FBXL7: variants seen among roughly 807,000 people sequenced by gnomAD.
FBXL7 encodes the protein F-box and leucine rich repeat protein 7, also known as F-box/LRR-repeat protein 7.
A neutral mutation model predicts 38.3 loss-of-function variants in FBXL7; 12 were observed. The observed-to-expected ratio is 0.31, with a 90% CI of 0.20 to 0.51. The LOEUF is 0.51. FBXL7 is among the 20% of genes least tolerant of loss of function. FBXL7 has a pLI of 0.98. For missense variants in FBXL7, 567 were observed against 676.4 expected (o/e 0.84, Z 1.79); for synonymous variants, 297 against 300.9 (o/e 0.99, Z 0.13).
At chr5:15,599,884 A>G (rs1010437726) in intron 1 of FBXL7, among the ~76,000 whole-genome samples, 1 of 152,238 alleles carries the variant, frequency 6.6e-6, no homozygotes, top group Non-Finnish European at 1.5e-5. Flanking sequence ...CAGGGTGGCC[A>G]TTATGACAGG....
chr5:15,553,091 AAC>A (rs1554005310), intron 1 of FBXL7, among the ~76,000 whole-genome samples: 84 of 111,796 alleles, frequency 7.5e-4, no homozygotes, highest in East Asian at 1.8e-3. Context: ...AAAAAAAAAA[AAC>A]AAAAAAAAAC....
At chr5:15,632,303 A>G in intron 2 of FBXL7, among the ~76,000 whole-genome samples, 1 of 152,164 alleles carries the variant, frequency 6.6e-6, no homozygotes, top group South Asian at 2.1e-4. Flanking sequence ...TTTTTTATTT[A>G]TGAATATATT....
chr5:15,721,438 G>A (rs543120330), intron 2 of FBXL7, among the ~76,000 whole-genome samples: 1 of 152,026 alleles, frequency 6.6e-6, no homozygotes, highest in African/African-American at 2.4e-5. Context: ...AGCAAACAAG[G>A]TTTCAAACAC....
chr5:15,687,086 A>G (rs1317436847), intron 2 of FBXL7, among the ~76,000 whole-genome samples: 1 of 152,238 alleles, frequency 6.6e-6, no homozygotes, highest in Non-Finnish European at 1.5e-5. Context: ...CTTCTCCCAT[A>G]ATAAAGTTTT....
At chr5:15,680,340 A>C (rs796868381) in intron 2 of FBXL7, among the ~76,000 whole-genome samples, 1 of 152,226 alleles carries the variant, frequency 6.6e-6, no homozygotes, top group Admixed American at 6.5e-5. Context: ...GATGTCTTAC[A>C]TGTGAGTTGA....
intron 2 of FBXL7, among the ~76,000 whole-genome samples, chr5:15,899,516 C>G (rs965021679): frequency 1.3e-5 from 2 of 152,146 alleles, no homozygotes; most frequent in Non-Finnish European, 2.9e-5. Flanking sequence ...CAAAGTTTTA[C>G]AAGATTTTTT....
At chr5:15,565,510 C>T (rs1738541627) in intron 1 of FBXL7, among the ~76,000 whole-genome samples, 1 of 149,938 alleles carries the variant, frequency 6.7e-6, no homozygotes, top group Non-Finnish European at 1.5e-5. Context: ...TATATATAAT[C>T]CTCTATATAT....
At chr5:15,912,491 C>G (rs532964861) in intron 2 of FBXL7, among the ~76,000 whole-genome samples, 1 of 149,524 alleles carries the variant, frequency 6.7e-6, no homozygotes, top group East Asian at 2.0e-4. Context: ...TCTTCTGCGT[C>G]GCTCACGCTG....
At chr5:15,503,032 G>C (rs954193086) in intron 1 of FBXL7, among the ~76,000 whole-genome samples, 15 of 151,008 alleles carry the variant, frequency 9.9e-5, no homozygotes, top group African/African-American at 2.9e-4. Flanking sequence ...AATATGGCTT[G>C]AGAAGTACTC....
Position 15,905,524 on chromosome 5 carries a change from TG to T in FBXL7, c.128-22365del, listed in dbSNP as rs202222492. Reference sequence around the variant, plus strand: ...AATAATTAATATGGAAAAATGGTGTTGTTTTTTTTTTTGTATCTTCAGTCCT... The same window carrying T: ...AATAATTAATATGGAAAAATGGTGTTTTTTTTTTTTTGTATCTTCAGTCCT... On this transcript the variant is annotated intron_variant, in intron 2 of 3. Transcript: ENST00000504595. Among the ~76,000 whole-genome samples the T allele has an allele frequency of 7.7e-3, 1,166 of 152,010 alleles. 18 individuals carry two copies. Among genetic ancestry groups the T allele is most frequent in the African/African-American group, 0.025 (1,057 of 41,482 alleles).
intron 1 of FBXL7, among the ~76,000 whole-genome samples, chr5:15,557,519 G>T (rs1738283009): frequency 6.6e-6 from 1 of 152,166 alleles, no homozygotes; most frequent in South Asian, 2.1e-4. Flanking sequence ...TAAGGCTAAT[G>T]AAGATGTTAC....
At chr5:15,769,707 A>T (rs991644069) in intron 2 of FBXL7, among the ~76,000 whole-genome samples, 1 of 146,992 alleles carries the variant, frequency 6.8e-6, no homozygotes, top group African/African-American at 2.5e-5. Context: ...AAATAAATTC[A>T]GTAGGATCCT....
At chr5:15,630,465 AT>A (rs1398371126) in intron 2 of FBXL7, among the ~76,000 whole-genome samples, 1 of 152,060 alleles carries the variant, frequency 6.6e-6, no homozygotes, top group African/African-American at 2.4e-5. Flanking sequence ...GGTTTGTTTA[AT>A]ATGTGTGCTC....
chr5:15,576,173 C>T (rs1393272138), intron 1 of FBXL7, among the ~76,000 whole-genome samples: 1 of 146,738 alleles, frequency 6.8e-6, no homozygotes, highest in Non-Finnish European at 1.5e-5. Context: ...ACCTCCACCT[C>T]CTGGGTTCAA....
At chr5:15,580,084 T>G (rs908121588) in intron 1 of FBXL7, among the ~76,000 whole-genome samples, 5 of 152,004 alleles carry the variant, frequency 3.3e-5, no homozygotes, top group African/African-American at 1.2e-4. Context: ...GTGGGGTCTT[T>G]GGGAGGTAAT....
At chr5:15,898,688 A>C (rs1741161763) in intron 2 of FBXL7, among the ~76,000 whole-genome samples, 1 of 152,232 alleles carries the variant, frequency 6.6e-6, no homozygotes, top group Non-Finnish European at 1.5e-5. Flanking sequence ...AATAGTTCCC[A>C]TAGACACGAG....
chr5:15,832,157 A>G (rs1738475564), intron 2 of FBXL7, among the ~76,000 whole-genome samples: 1 of 152,154 alleles, frequency 6.6e-6, no homozygotes, highest in South Asian at 2.1e-4. Flanking sequence ...GTTTCTACTA[A>G]GACTTTCGAG....
chr5:15,931,777 G>A (rs1742043097), intron 3 of FBXL7, among the ~76,000 whole-genome samples: 1 of 152,156 alleles, frequency 6.6e-6, no homozygotes, highest in Non-Finnish European at 1.5e-5. Flanking sequence ...GATGATGTGT[G>A]CATGCCTCTC....
At chr5:15,924,252 A>G (rs894773532) in intron 2 of FBXL7, among the ~76,000 whole-genome samples, 31 of 152,244 alleles carry the variant, frequency 2.0e-4, no homozygotes, top group Non-Finnish European at 4.4e-5. Context: ...TGCAGCATGT[A>G]TACCACCTGG....
Sources: allele counts gnomAD v4.1 joint callset (sites outside exome capture counted in the v4.1 genomes callset), GRCh38; gene constraint gnomAD v4.1.1; transcripts MANE v1.5; gene names NCBI Gene and HGNC (gene_info 2026-07-23, HGNC 2026-07-21).